Variants in AGBL1 observed in about 807,000 individuals in gnomAD.
The protein encoded by AGBL1 is AGBL carboxypeptidase 1.
In AGBL1, 130 loss-of-function variants were observed where a neutral mutation model predicts 118.9. The observed-to-expected ratio is 1.09, with a 90% CI of 0.95 to 1.26. The LOEUF (loss-of-function observed/expected upper bound fraction) is 1.26, where lower values mean the gene tolerates loss of function less well. AGBL1 is among the 50% of genes most tolerant of loss of function. The pLI, the probability that AGBL1 is intolerant of heterozygous loss-of-function variation, is 0.00. For missense variants in AGBL1, 1,584 were observed against 1,298.1 expected, an observed-to-expected ratio of 1.22 and a Z score of -3.38; for synonymous variants, 555 against 478.9, an observed-to-expected ratio of 1.16 and a Z score of -2.08.
intron 7 of AGBL1, among the ~76,000 whole-genome samples, chr15:86,249,267 C>A (rs1354859519): frequency 6.6e-6 from 1 of 152,132 alleles, no homozygotes; most frequent in African/African-American, 2.4e-5. Flanking sequence ...CCTTTATCAG[C>A]CTTCTTGCTC....
At chr15:86,291,649 T>C (rs1169255341) in intron 16 of AGBL1, among the ~76,000 whole-genome samples, 1 of 152,220 alleles carries the variant, frequency 6.6e-6, no homozygotes, top group Non-Finnish European at 1.5e-5. Context: ...TATGGAATTA[T>C]GTGGTCATGA....
chr15:86,464,190 T>C (rs796697930), intron 18 of AGBL1, among the ~76,000 whole-genome samples: 5 of 152,336 alleles, frequency 3.3e-5, no homozygotes, highest in African/African-American at 1.2e-4. Context: ...TATTTTATTC[T>C]CTTTGTAGAA....
intron 1 of AGBL1, among the ~76,000 whole-genome samples, chr15:86,131,542 T>A (rs1246621360): frequency 6.6e-6 from 1 of 152,230 alleles, no homozygotes; most frequent in Non-Finnish European, 1.5e-5. Context: ...TTGGCCTCAA[T>A]TTCCTTATCG....
intron 1 of AGBL1, among the ~76,000 whole-genome samples, chr15:86,089,258 T>C (rs1895867622): frequency 6.6e-6 from 1 of 152,224 alleles, no homozygotes; most frequent in South Asian, 2.1e-4. Context: ...ACTGTTCTGA[T>C]GTGAGTGGAT....
intron 6 of AGBL1, among the ~76,000 whole-genome samples, chr15:86,239,846 T>G (rs1383586847): frequency 6.6e-6 from 1 of 152,178 alleles, no homozygotes; most frequent in Non-Finnish European, 1.5e-5. Flanking sequence ...TTTACATAGG[T>G]GCAAAGAATG....
At chr15:86,176,060 G>A (rs1328367671) in intron 5 of AGBL1, among the ~76,000 whole-genome samples, 1 of 152,132 alleles carries the variant, frequency 6.6e-6, no homozygotes, top group Admixed American at 6.5e-5. Context: ...TAGATTATCT[G>A]TCCAATGCTG....
chr15:86,717,520 T>C (rs530540686), intron 22 of AGBL1, among the ~76,000 whole-genome samples: 10 of 152,128 alleles, frequency 6.6e-5, no homozygotes, highest in Non-Finnish European at 1.2e-4. Context: ...ACAATTCTTA[T>C]ATAGCCCCTC....
At chr15:86,905,862 G>C (rs2080274237) in intron 22 of AGBL1, among the ~76,000 whole-genome samples, 2 of 152,146 alleles carry the variant, frequency 1.3e-5, no homozygotes, top group Admixed American at 1.3e-4. Context: ...TTACCCACAA[G>C]TCAGCCTGTA....
intron 6 of AGBL1, among the ~76,000 whole-genome samples, chr15:86,230,523 G>T (rs1168567636): frequency 6.6e-6 from 1 of 152,200 alleles, no homozygotes; most frequent in Non-Finnish European, 1.5e-5. Flanking sequence ...CACACTGCCT[G>T]TGGTCTGCCC....
chr15:86,124,864 A>G (rs912163760), intron 1 of AGBL1, among the ~76,000 whole-genome samples: 38 of 152,240 alleles, frequency 2.5e-4, no homozygotes, highest in Non-Finnish European at 4.8e-4. Flanking sequence ...AGTCTATATA[A>G]TGGCAGGGCA....
intron 3 of AGBL1, among the ~76,000 whole-genome samples, chr15:86,147,909 A>C (rs936027160): frequency 2.0e-5 from 3 of 152,176 alleles, no homozygotes; most frequent in Non-Finnish European, 4.4e-5. Flanking sequence ...AAGCTTCCAG[A>C]GGAAGGATCA....
chr15:86,756,302 GT>G (rs2077939488), intron 22 of AGBL1, among the ~76,000 whole-genome samples: 1 of 151,278 alleles, frequency 6.6e-6, no homozygotes, highest in South Asian at 2.1e-4. Context: ...CAGATTCCAA[GT>G]GAAGTTTGCT....
At chr15:86,571,603 C>T (rs1481702886) in intron 21 of AGBL1, among the ~76,000 whole-genome samples, 4 of 152,304 alleles carry the variant, frequency 2.6e-5, no homozygotes, top group Admixed American at 6.5e-5. Flanking sequence ...GTCCAGCTCT[C>T]AGCAGAGAAG....
intron 18 of AGBL1, among the ~76,000 whole-genome samples, chr15:86,511,055 C>T (rs1186583337): frequency 6.6e-6 from 1 of 152,058 alleles, no homozygotes; most frequent in African/African-American, 2.4e-5. Flanking sequence ...TAGTATCCGA[C>T]ACATAGTAGG....
chr15:86,736,009 G>A (rs1263356848), intron 22 of AGBL1, among the ~76,000 whole-genome samples: 2 of 152,172 alleles, frequency 1.3e-5, no homozygotes, highest in Non-Finnish European at 2.9e-5. Flanking sequence ...GCTTGACAAT[G>A]AGGATACCAA....
intron 22 of AGBL1, among the ~76,000 whole-genome samples, chr15:86,785,730 C>G (rs2078403261): frequency 6.6e-6 from 1 of 152,104 alleles, no homozygotes; most frequent in South Asian, 2.1e-4. Flanking sequence ...TTGGAAAACA[C>G]AGATATCAGC....
rs759328002 is a variant in AGBL1, at chr15:86,143,681, C to T, written c.116-18C>T. 6 of 1,611,652 alleles carry T rather than the reference C, an allele frequency of 3.7e-6. No homozygotes were observed. In the Admixed American group the frequency reaches 1.0e-4, roughly 27 times the overall value. ...GGATTATTACTTGTGGCTCATCTTT[C>T]CTCCGGTTTCCCCTCAGGCACAGAC... On this transcript the variant is annotated intron_variant, in intron 2 of 22. Coordinates refer to ENST00000614907, the MANE Select transcript of AGBL1 (RefSeq NM_001386094.1).
chr15:87,029,123 C>T (rs1296647233), downstream of AGBL1: 2 of 304,118 alleles, frequency 6.6e-6, no homozygotes, highest in African/African-American at 4.3e-5. Flanking sequence ...TATACATTAA[C>T]TAAATGAATG....
chr15:86,413,911 T>C (rs1455908476), intron 18 of AGBL1, among the ~76,000 whole-genome samples: 3 of 152,116 alleles, frequency 2.0e-5, no homozygotes, highest in Non-Finnish European at 4.4e-5. Flanking sequence ...AGCAAAGATG[T>C]GGAATCAACC....
Sources: gnomAD v4.1 joint callset for allele counts (sites outside exome capture counted in the v4.1 genomes callset) on GRCh38, gnomAD v4.1.1 for gene constraint, MANE v1.5 for transcripts, NCBI Gene and HGNC (gene_info 2026-07-23, HGNC 2026-07-21) for gene names.